KLHL1: variants seen among roughly 807,000 people sequenced by gnomAD.
The protein encoded by KLHL1 is kelch like family member 1, also known as kelch-like protein 1.
Under a neutral mutation model 77.7 loss-of-function variants are expected in KLHL1, and 47 were observed. That is an observed-to-expected ratio of 0.60 (90% CI 0.48 to 0.77). KLHL1 has a LOEUF of 0.77. KLHL1 is among the 30% of genes least tolerant of loss of function. The pLI is 0.00. For missense variants in KLHL1, 925 were observed against 910.8 expected, an observed-to-expected ratio of 1.02 and a Z score of -0.20; for synonymous variants, 360 against 325.2, an observed-to-expected ratio of 1.11 and a Z score of -1.15.
At chr13:69,838,005 T>C (rs1204884542) in intron 6 of KLHL1, among the ~76,000 whole-genome samples, 9 of 151,662 alleles carry the variant, frequency 5.9e-5, no homozygotes. Context: ...TTTACAGGAA[T>C]TGCTCTTTTC....
chr13:69,961,828 T>TTTTG (rs10632451), intron 2 of KLHL1, among the ~76,000 whole-genome samples: 94,497 of 151,406 alleles, frequency 0.62, 29,526 homozygotes, highest in South Asian at 0.65. Flanking sequence ...TTCTATTATG[T>TTTTG]TTTATTTGCC....
rs80093360 is a variant in KLHL1 at position 69,723,544 on chromosome 13, C to A, written c.1803-3963G>T. Among the ~76,000 whole-genome samples the A allele has an allele frequency of 3.3e-3, 496 of 152,132 alleles. 5 individuals are homozygous for A. Among genetic ancestry groups the A allele is most frequent in the African/African-American group, 0.011 (471 of 41,526 alleles). On this transcript the variant is annotated intron_variant, in intron 8 of 10. Coordinates refer to ENST00000377844, the MANE Select transcript of KLHL1 (RefSeq NM_020866.3). ...GTAAACCAAAAATAAAATTCTAAGG[C>A]TCCCAATGATATGAATAGACCCCTC...
chr13:69,904,674 T>G (rs2138233236), intron 4 of KLHL1, among the ~76,000 whole-genome samples: 1 of 152,212 alleles, frequency 6.6e-6, no homozygotes, highest in Non-Finnish European at 1.5e-5. Context: ...CACAGACAAT[T>G]TAAGTAAATA....
intron 7 of KLHL1, among the ~76,000 whole-genome samples, chr13:69,779,720 T>C (rs1876035297): frequency 6.6e-6 from 1 of 152,068 alleles, no homozygotes; most frequent in South Asian, 2.1e-4. Flanking sequence ...GTGCAGTCAA[T>C]ATTTATGCTG....
chr13:69,888,135 A>G (rs969516453), intron 4 of KLHL1, among the ~76,000 whole-genome samples: 3 of 152,126 alleles, frequency 2.0e-5, no homozygotes, highest in African/African-American at 7.2e-5. Flanking sequence ...TTCTTGCTGC[A>G]TTCTCATATG....
At chr13:69,919,763 G>C (rs1882572136) in intron 4 of KLHL1, among the ~76,000 whole-genome samples, 1 of 151,994 alleles carries the variant, frequency 6.6e-6, no homozygotes, top group African/African-American at 2.4e-5. Context: ...TCTATACTTG[G>C]CCCTGTCTCA....
chr13:70,029,025 T>C (rs538396456), intron 1 of KLHL1, among the ~76,000 whole-genome samples: 30 of 152,118 alleles, frequency 2.0e-4, no homozygotes, highest in African/African-American at 6.5e-4. Context: ...ACATTTGCAT[T>C]ATCAGAACAA....
chr13:69,741,789 T>G (rs953715384), intron 7 of KLHL1, among the ~76,000 whole-genome samples: 19 of 152,212 alleles, frequency 1.2e-4, no homozygotes, highest in Non-Finnish European at 2.2e-4. Flanking sequence ...AACCCAGGAC[T>G]ATCTTTCTCA....
chr13:70,105,667 A>G (rs191742201), intron 1 of KLHL1, among the ~76,000 whole-genome samples: 1 of 151,296 alleles, frequency 6.6e-6, no homozygotes, highest in Non-Finnish European at 1.5e-5. Context: ...TTTACTCAAC[A>G]AAAGGGTATA....
intron 1 of KLHL1, among the ~76,000 whole-genome samples, chr13:70,087,365 G>A (rs927282216): frequency 6.6e-6 from 1 of 151,858 alleles, no homozygotes; most frequent in East Asian, 1.9e-4. Flanking sequence ...ATAATCACTG[G>A]GGCAGGCTGA....
intron 1 of KLHL1, among the ~76,000 whole-genome samples, chr13:70,053,065 G>T (rs1005837087): frequency 1.3e-5 from 2 of 151,904 alleles, no homozygotes; most frequent in African/African-American, 4.8e-5. Flanking sequence ...TTTGTATGCA[G>T]AGAAATAGAC....
chr13:69,930,027 A>T (rs2482566), intron 4 of KLHL1, among the ~76,000 whole-genome samples: 4 of 151,792 alleles, frequency 2.6e-5, no homozygotes, highest in South Asian at 2.1e-4. Context: ...TTAAGATATC[A>T]GAAAAATTAT....
chr13:70,041,768 C>A (rs1359920140), intron 1 of KLHL1, among the ~76,000 whole-genome samples: 1 of 152,050 alleles, frequency 6.6e-6, no homozygotes, highest in Non-Finnish European at 1.5e-5. Flanking sequence ...CCCACATGGT[C>A]TCCACTGATT....
chr13:69,931,251 C>G (rs770082417), intron 4 of KLHL1, among the ~76,000 whole-genome samples: 2 of 151,614 alleles, frequency 1.3e-5, no homozygotes, highest in East Asian at 3.9e-4. Context: ...AATATTTACT[C>G]AGTGTTAAAT....
At chr13:69,939,938 T>C (rs1883315425) in intron 4 of KLHL1, 102 bp downstream of exon 4, 2 of 831,496 alleles carry the variant, frequency 2.4e-6, no homozygotes, top group Non-Finnish European at 3.6e-6. Flanking sequence ...CATAGAAAAC[T>C]CATTTTAAAC....
At chr13:69,900,007 T>C (rs115850371) in intron 4 of KLHL1, among the ~76,000 whole-genome samples, 75 of 152,186 alleles carry the variant, frequency 4.9e-4, no homozygotes, top group African/African-American at 1.7e-3. Flanking sequence ...TACTATAACA[T>C]TGTTAATTCT....
chr13:69,969,427 G>A (rs1200930169), intron 2 of KLHL1, among the ~76,000 whole-genome samples: 1 of 151,980 alleles, frequency 6.6e-6, no homozygotes. Flanking sequence ...ATAAATTAGT[G>A]TCAGATGGTG....
chr13:70,028,366 T>C (rs529001519), intron 1 of KLHL1, among the ~76,000 whole-genome samples: 185 of 152,252 alleles, frequency 1.2e-3, no homozygotes, highest in African/African-American at 4.1e-3. Context: ...GACAGAGGTA[T>C]GTCTTGAAGT....
intron 4 of KLHL1, among the ~76,000 whole-genome samples, chr13:69,934,417 G>C (rs886487055): frequency 1.3e-5 from 2 of 151,486 alleles, no homozygotes; most frequent in Non-Finnish European, 2.9e-5. Flanking sequence ...TACATATATA[G>C]GCATATGTAA....
Sources: allele counts gnomAD v4.1 joint callset (sites outside exome capture counted in the v4.1 genomes callset), GRCh38; gene constraint gnomAD v4.1.1; transcripts MANE v1.5; gene names NCBI Gene and HGNC (gene_info 2026-07-23, HGNC 2026-07-21).